UXS1: variants seen among roughly 807,000 people sequenced by gnomAD.
The protein encoded by UXS1 is UDP-glucuronate decarboxylase 1.
A neutral mutation model predicts 62.6 loss-of-function variants in UXS1; 33 were observed. The observed-to-expected ratio is 0.53, with a 90% CI of 0.40 to 0.70. The LOEUF is 0.70. Among genes scored for constraint, UXS1 ranks in the 30% least tolerant of loss-of-function variants. The pLI, the probability that UXS1 is intolerant of heterozygous loss-of-function variation, is 0.00. For missense variants in UXS1, 434 were observed against 556.3 expected, an observed-to-expected ratio of 0.78 and a Z score of 2.21; for synonymous variants, 213 against 206.8, an observed-to-expected ratio of 1.03 and a Z score of -0.26.
intron 6 of UXS1, among the ~76,000 whole-genome samples, chr2:106,140,626 A>AGGGCTCCAT (rs1481678952): frequency 6.9e-6 from 1 of 144,868 alleles, no homozygotes; most frequent in Non-Finnish European, 1.5e-5. Context: ...GGTAATGGAA[A>AGGGCTCCAT]GGGCTCCATG....
Position 106,163,584 on chromosome 2 carries a change from T to C in UXS1, c.230+83A>G. The C allele has an allele frequency of 3.4e-6, 3 of 895,370 alleles. No homozygotes were observed. The South Asian group carries it at 5.4e-5, about 16-fold the overall frequency. The allele number at this position is 895,370 out of a possible 1,614,324, so 55.5% of individuals were successfully genotyped here. On this transcript the variant is annotated intron_variant, in intron 4 of 14. Transcript: ENST00000283148. ...CAGACATTTATTTAGGTTGGCAGAG[T>C]TTGGAGCAAACAAACAGAATTAATT...
In UXS1 at chr2:106,138,949, A is replaced by C; in HGVS notation, c.472+6241T>G. The C allele has an allele frequency of 4.4e-6, 4 of 913,802 alleles. No homozygotes were observed. In the African/African-American group the frequency reaches 5.4e-5, roughly 12 times the overall value. 56.6% of individuals were successfully genotyped at this position (913,802 alleles called of 1,614,324 possible). ...TGAGAAATTCTGAAGGGGAGAGAAG[A>C]GGGGAAATTCAGAGCAGGGACAAAT... On this transcript the variant is annotated intron_variant, in intron 6 of 14. Transcript: ENST00000283148.
chr2:106,118,094 G>C (rs923587024), intron 9 of UXS1, among the ~76,000 whole-genome samples: 1 of 152,226 alleles, frequency 6.6e-6, no homozygotes, highest in Non-Finnish European at 1.5e-5. Context: ...CTGGGATGTG[G>C]CCAGCAGGCA....
chr2:106,178,227 C>T (rs551581655), intron 1 of UXS1, among the ~76,000 whole-genome samples: 1 of 152,304 alleles, frequency 6.6e-6, no homozygotes, highest in Non-Finnish European at 1.5e-5. Context: ...CTATGCCATC[C>T]CCACGTGGCA....
intron 14 of UXS1, among the ~76,000 whole-genome samples, chr2:106,094,424 C>T (rs1558665847): frequency 6.6e-6 from 1 of 152,104 alleles, no homozygotes; most frequent in African/African-American, 2.4e-5. Context: ...TGAGCTCCAC[C>T]TCACAAAAGA....
At chr2:106,188,507 T>C (rs1440084890) in intron 1 of UXS1, among the ~76,000 whole-genome samples, 1 of 152,134 alleles carries the variant, frequency 6.6e-6, no homozygotes, top group Admixed American at 6.5e-5. Flanking sequence ...GGTGGCTCCA[T>C]CTCTGGAGAG....
chr2:106,114,513 A>G (rs1328742844), intron 9 of UXS1, among the ~76,000 whole-genome samples: 2 of 152,234 alleles, frequency 1.3e-5, no homozygotes, highest in African/African-American at 4.8e-5. Flanking sequence ...ATTCTAGGAA[A>G]AGACTGGAAA....
At chr2:106,170,342 G>C (rs1375738390) in intron 1 of UXS1, among the ~76,000 whole-genome samples, 2 of 152,162 alleles carry the variant, frequency 1.3e-5, no homozygotes, top group Non-Finnish European at 2.9e-5. Context: ...TGGCCCTCCT[G>C]TGTGGCCAAG....
chr2:106,194,070 C>T (rs1446955575), intron 1 of UXS1, 78 bp downstream of exon 1: 1 of 1,263,376 alleles, frequency 7.9e-7, no homozygotes. Context: ...CCTCGGGGCC[C>T]CGAACCACCG....
At chr2:106,175,477 G>C (rs1418346513) in intron 1 of UXS1, among the ~76,000 whole-genome samples, 4 of 152,212 alleles carry the variant, frequency 2.6e-5, no homozygotes, top group Non-Finnish European at 4.4e-5. Context: ...TGCATGGGGG[G>C]ACAGAAGTGT....
At chr2:106,178,944 G>C (rs1314153144) in intron 1 of UXS1, among the ~76,000 whole-genome samples, 2 of 152,294 alleles carry the variant, frequency 1.3e-5, no homozygotes, top group East Asian at 3.9e-4. Flanking sequence ...TTTCTCTAAC[G>C]GACAGCAGGG....
Position 106,129,771 on chromosome 2 carries a change from C to G in UXS1, c.480G>C (p.Gln160His). 6.2e-7 allele frequency: 1 copy of G among 1,604,214 alleles called. No individual in the cohort carries two copies. Among genetic ancestry groups the G allele is most frequent in the Non-Finnish European group, 8.5e-7 (1 of 1,174,532 alleles). Reference sequence around the variant, plus strand: ...AGGCTGGAGATGCCAGATGGTATATCTGGTCAACTAAAGGAGACAAAACAG... The same window carrying G: ...AGGCTGGAGATGCCAGATGGTATATGTGGTCAACTAAAGGAGACAAAACAG... ...VVEPLYIEVDQIYHLASPASP... is the reference protein window; with the variant it reads ...VVEPLYIEVDHIYHLASPASP... The change falls in exon 7 of 15, where the codon CAG (glutamine) becomes CAC (histidine). Residue 160 changes from glutamine (Q) to histidine (H), a missense_variant. Transcript: ENST00000283148.
chr2:106,150,097 C>G (rs771578773), intron 5 of UXS1, among the ~76,000 whole-genome samples: 2 of 152,096 alleles, frequency 1.3e-5, no homozygotes, highest in Non-Finnish European at 2.9e-5. Context: ...ATTTACAAGC[C>G]ATGAGCTAGG....
chr2:106,187,497 G>A (rs1253160464), intron 1 of UXS1, among the ~76,000 whole-genome samples: 1 of 152,262 alleles, frequency 6.6e-6, no homozygotes, highest in East Asian at 1.9e-4. Context: ...ATTATATTAA[G>A]GGCAAAACTG....
chr2:106,124,826 TTC>T (rs1679794838), intron 8 of UXS1, among the ~76,000 whole-genome samples: 1 of 152,224 alleles, frequency 6.6e-6, no homozygotes, highest in African/African-American at 2.4e-5. Context: ...TTAGAAGAAT[TTC>T]TCTGTTGCTA....
intron 10 of UXS1, among the ~76,000 whole-genome samples, chr2:106,109,108 A>G (rs1366233637): frequency 6.7e-6 from 1 of 149,484 alleles, no homozygotes; most frequent in Admixed American, 6.7e-5. Context: ...CCATCCACTC[A>G]CCTCCTCCCT....
At chr2:106,189,086 A>G (rs902148997) in intron 1 of UXS1, among the ~76,000 whole-genome samples, 7 of 152,242 alleles carry the variant, frequency 4.6e-5, no homozygotes, top group Non-Finnish European at 8.8e-5. Context: ...TGGTCCAGCA[A>G]TCCTATATCA....
At chr2:106,119,413 G>T (rs920126240) in intron 9 of UXS1, among the ~76,000 whole-genome samples, 1 of 152,168 alleles carries the variant, frequency 6.6e-6, no homozygotes, top group African/African-American at 2.4e-5. Context: ...CCTCCCATCT[G>T]TGAGATGGGC....
intron 14 of UXS1, among the ~76,000 whole-genome samples, chr2:106,095,400 T>A (rs1676992121): frequency 6.6e-6 from 1 of 152,244 alleles, no homozygotes; most frequent in South Asian, 2.1e-4. Flanking sequence ...TTTAGCAGAT[T>A]ACGTAGACTT....
Sources: gnomAD v4.1 joint callset for allele counts (sites outside exome capture counted in the v4.1 genomes callset) on GRCh38, gnomAD v4.1.1 for gene constraint, MANE v1.5 for transcripts, NCBI Gene and HGNC (gene_info 2026-07-23, HGNC 2026-07-21) for gene names.